The following PRKCA variants were observed in gnomAD, a reference collection of about 807,000 sequenced individuals.
PRKCA encodes protein kinase C alpha type.
PRKCA carries 27 observed loss-of-function variants against 87.0 expected under a neutral mutation model. The ratio of observed to expected loss-of-function variants is 0.31; its 90% CI spans 0.23 to 0.43. PRKCA has a LOEUF of 0.43. PRKCA is among the 20% of genes least tolerant of loss of function. The probability of loss-of-function intolerance (pLI) is 1.00; values close to 1 mark genes in which losing one functional copy is unlikely to be tolerated. For missense variants in PRKCA, 518 were observed against 852.3 expected (o/e 0.61, Z 4.88); for synonymous variants, 329 against 311.1 (o/e 1.06, Z -0.61).
chr17:66,430,472 A>G (rs553915045), intron 2 of PRKCA, among the ~76,000 whole-genome samples: 13 of 151,788 alleles, frequency 8.6e-5, no homozygotes, highest in Non-Finnish European at 1.9e-4. Context: ...GGTTCGTGGT[A>G]AGCCATCTGA....
At chr17:66,454,715 C>T (rs1331653921) in intron 2 of PRKCA, among the ~76,000 whole-genome samples, 3 of 152,168 alleles carry the variant, frequency 2.0e-5, no homozygotes, top group Non-Finnish European at 4.4e-5. Flanking sequence ...AACAGTCCAC[C>T]ATGATTCAAT....
At chr17:66,389,635 G>A (rs1910256792) in intron 2 of PRKCA, among the ~76,000 whole-genome samples, 1 of 152,134 alleles carries the variant, frequency 6.6e-6, no homozygotes, top group Non-Finnish European at 1.5e-5. Context: ...GCAGTGAGGG[G>A]GTCTGGCATG....
chr17:66,612,060 T>A (rs1970380676), intron 3 of PRKCA, among the ~76,000 whole-genome samples: 1 of 138,680 alleles, frequency 7.2e-6, no homozygotes, highest in South Asian at 2.5e-4. Context: ...ATTTTACACA[T>A]ATCTCACTTT....
chr17:66,520,711 G>T (rs1461933613), intron 3 of PRKCA, among the ~76,000 whole-genome samples: 1 of 152,094 alleles, frequency 6.6e-6, no homozygotes, highest in Non-Finnish European at 1.5e-5. Context: ...TTCTCCTTGG[G>T]CTAAGGAAAC....
intron 13 of PRKCA, among the ~76,000 whole-genome samples, chr17:66,761,913 A>G (rs72838619): frequency 5.9e-5 from 9 of 152,286 alleles, no homozygotes; most frequent in Admixed American, 2.6e-4. Flanking sequence ...ACAGTCAGCC[A>G]TACTCAGTGG....
chr17:66,456,557 A>T (rs1022732721), intron 2 of PRKCA, among the ~76,000 whole-genome samples: 2 of 151,980 alleles, frequency 1.3e-5, no homozygotes, highest in Non-Finnish European at 2.9e-5. Flanking sequence ...GATCTCTAAA[A>T]CTCTCGAACA....
intron 5 of PRKCA, among the ~76,000 whole-genome samples, chr17:66,658,296 A>G (rs1971792720): frequency 6.6e-6 from 1 of 152,180 alleles, no homozygotes; most frequent in South Asian, 2.1e-4. Context: ...CCTGGCCAAC[A>G]TGGTGAAACC....
chr17:66,752,220 G>T (rs751194290), intron 13 of PRKCA, among the ~76,000 whole-genome samples: 9 of 152,214 alleles, frequency 5.9e-5, no homozygotes, highest in Non-Finnish European at 8.8e-5. Flanking sequence ...GGAGCACTCC[G>T]GAAAGCCTTG....
intron 2 of PRKCA, among the ~76,000 whole-genome samples, chr17:66,471,526 C>T (rs998387939): frequency 6.6e-6 from 1 of 152,166 alleles, no homozygotes; most frequent in African/African-American, 2.4e-5. Context: ...GAAAAGTAGT[C>T]ATCACTGAGC....
At chr17:66,370,185 C>CA (rs1360280876) in intron 2 of PRKCA, among the ~76,000 whole-genome samples, 1 of 148,744 alleles carries the variant, frequency 6.7e-6, no homozygotes, top group Non-Finnish European at 1.5e-5. Flanking sequence ...GTGGCACAGA[C>CA]ATAATTATAT....
chr17:66,579,860 T>C (rs532599064), intron 3 of PRKCA, among the ~76,000 whole-genome samples: 2 of 152,210 alleles, frequency 1.3e-5, no homozygotes, highest in East Asian at 1.9e-4. Flanking sequence ...AGAGGAATTA[T>C]ACACCGAAGG....
In PRKCA at chr17:66,708,339, C is replaced by T. The variant is rs9889599; in HGVS notation, c.918+19292C>T. ...CTTCCCAGCATCCAGGTGTGTGGTC[C>T]GGGAAGGATTCCCTGGGACCTCTTG... On this transcript the variant is annotated intron_variant, in intron 8 of 16. Coordinates refer to ENST00000413366, the MANE Select transcript of PRKCA (RefSeq NM_002737.3). Among the ~76,000 whole-genome samples the T allele has an allele frequency of 9.6e-3, 1,461 of 152,044 alleles. 19 individuals carry two copies. Among genetic ancestry groups the T allele is most frequent in the African/African-American group, 0.033 (1,383 of 41,438 alleles).
chr17:66,329,997 A>C (rs932050961), intron 2 of PRKCA, among the ~76,000 whole-genome samples: 1 of 151,928 alleles, frequency 6.6e-6, no homozygotes, highest in Non-Finnish European at 1.5e-5. Flanking sequence ...TCATCCATTC[A>C]ATACCTAGTC....
intron 2 of PRKCA, among the ~76,000 whole-genome samples, chr17:66,342,441 A>AAATAATAAT (rs199510095): frequency 6.3e-5 from 9 of 142,988 alleles, no homozygotes; most frequent in East Asian, 4.1e-4. Context: ...AAAATAAAAT[A>AAATAATAAT]AATAATAATA....
At chr17:66,366,340 A>G (rs1908723689) in intron 2 of PRKCA, among the ~76,000 whole-genome samples, 1 of 152,152 alleles carries the variant, frequency 6.6e-6, no homozygotes. Flanking sequence ...TTTTTACACC[A>G]TTTTCTGAGG....
chr17:66,316,248 T>C (rs866993014), intron 2 of PRKCA, among the ~76,000 whole-genome samples: 2 of 152,240 alleles, frequency 1.3e-5, no homozygotes, highest in Non-Finnish European at 2.9e-5. Context: ...TGTAGGGAGC[T>C]ACTTCATGCT....
chr17:66,775,759 T>C (rs969228213), intron 14 of PRKCA: 1 of 985,214 alleles, frequency 1.0e-6, no homozygotes, highest in Non-Finnish European at 1.2e-6. Flanking sequence ...ACTCACCACG[T>C]ATTTATTCAC....
intron 2 of PRKCA, chr17:66,416,584 T>C (rs1315368849): frequency 6.6e-6 from 1 of 152,202 alleles, no homozygotes; most frequent in Non-Finnish European, 1.5e-5. Flanking sequence ...GTGCTGGGCA[T>C]TTTACATAGA....
intron 2 of PRKCA, among the ~76,000 whole-genome samples, chr17:66,441,360 T>C (rs1314633740): frequency 1.3e-5 from 2 of 149,562 alleles, no homozygotes; most frequent in Non-Finnish European, 3.0e-5. Flanking sequence ...AAAAAAAAGA[T>C]TGGGGTGCTC....
Sources: allele counts gnomAD v4.1 joint callset (sites outside exome capture counted in the v4.1 genomes callset), GRCh38; gene constraint gnomAD v4.1.1; transcripts MANE v1.5; gene names NCBI Gene and HGNC (gene_info 2026-07-23, HGNC 2026-07-21).